The following PSMA4 variants were observed in gnomAD, a reference collection of about 807,000 sequenced individuals.
The protein encoded by PSMA4 is proteasome subunit alpha type-4.
In PSMA4, 8 loss-of-function variants were observed where a neutral mutation model predicts 37.2. The observed-to-expected ratio is 0.22, with a 90% CI of 0.13 to 0.39. The LOEUF (loss-of-function observed/expected upper bound fraction) is 0.39. Ranked by LOEUF, PSMA4 falls within the 10% of genes least tolerant of loss-of-function variation. The pLI is 1.00. For synonymous variants in PSMA4, 93 were observed against 98.8 expected (o/e 0.94, Z 0.35); for missense variants, 169 against 305.1 (o/e 0.55, Z 3.32).
At chr15:78,543,357 G>T (rs894794996) in intron 4 of PSMA4, among the ~76,000 whole-genome samples, 5 of 152,090 alleles carry the variant, frequency 3.3e-5, no homozygotes, top group Non-Finnish European at 7.4e-5. Context: ...GCTTGGCTAG[G>T]CGTAGTCACA....
At position 78,548,999 on chromosome 15, in the gene PSMA4, A is replaced by G; in HGVS notation, c.*55A>G. The G allele has an allele frequency of 6.5e-7, 1 of 1,538,178 alleles. No individual in the cohort carries two copies. The highest frequency in any genetic ancestry group is 2.3e-5 in the East Asian group (1 of 43,732). ...ACCATTTCAGTGTAAAAGCAGTCCTACTCTTCCACACTAGGAAGGCTTTAC... is the reference window on the plus strand; with the variant it reads ...ACCATTTCAGTGTAAAAGCAGTCCTGCTCTTCCACACTAGGAAGGCTTTAC... On this transcript the variant is annotated 3_prime_UTR_variant, in exon 9 of 9. Transcript: ENST00000044462.
At chr15:78,547,960 G>C (rs1438196588) in intron 8 of PSMA4, among the ~76,000 whole-genome samples, 1 of 151,664 alleles carries the variant, frequency 6.6e-6, no homozygotes, top group Non-Finnish European at 1.5e-5. Flanking sequence ...CGGGCATATT[G>C]GCTCACGCCT....
At chr15:78,543,558 A>G (rs887473953) in intron 4 of PSMA4, among the ~76,000 whole-genome samples, 23 of 138,762 alleles carry the variant, frequency 1.7e-4, no homozygotes, top group Non-Finnish European at 3.5e-4. Context: ...CAGTCTGTCT[A>G]GCAAAATCTT....
intron 8 of PSMA4, 39 bp from the exon 9 acceptor site, chr15:78,548,751 C>A: frequency 6.3e-7 from 1 of 1,582,692 alleles, no homozygotes. Context: ...GTATGCCTGC[C>A]TGCCTGCAAT....
intron 8 of PSMA4, 131 bp downstream of exon 8, chr15:78,546,829 A>ATG: frequency 1.0e-6 from 1 of 958,380 alleles, no homozygotes; most frequent in Non-Finnish European, 1.5e-6. Context: ...GCAGTGGCGC[A>ATG]ATCTCAGCTC....
intron 1 of PSMA4, chr15:78,541,685 T>A (rs2052456164): frequency 1.9e-6 from 1 of 521,658 alleles, no homozygotes; most frequent in Non-Finnish European, 3.4e-6. Flanking sequence ...CCCCGGTTCC[T>A]CTTTCCACAT....
At chr15:78,544,789 T>C in intron 5 of PSMA4, 80 bp from the exon 6 acceptor site, 1 of 958,224 alleles carries the variant, frequency 1.0e-6, no homozygotes, top group South Asian at 1.5e-5. Context: ...ATGGCATAGA[T>C]TGCTTTTCAG....
chr15:78,542,358 G>A (rs998660436), intron 3 of PSMA4, 125 bp from the exon 4 acceptor site: 37 of 1,386,662 alleles, frequency 2.7e-5, no homozygotes, highest in Middle Eastern at 1.9e-4. Flanking sequence ...TCACCAGGTT[G>A]ATTATACCAT....
chr15:78,542,616 T>C lies in PSMA4; in HGVS notation c.180T>C (p.Phe60=), dbSNP rs754079159. The C allele has an allele frequency of 2.5e-5, 40 of 1,606,114 alleles. No individual in the cohort carries two copies. The highest frequency in any genetic ancestry group is 3.4e-5 in the Non-Finnish European group (40 of 1,178,122). The change falls in exon 4 of 9, where the codon TTT becomes TTC. Residue 60 remains phenylalanine, a synonymous_variant. Transcript: ENST00000044462. ...RNIHKLLDEV[F]FSEKIYKLNE... Reference sequence around the variant, plus strand: ...TCCACAAGCTTCTTGATGAAGTCTTTTTTTCTGAAAAAATTTATAAACTCA... The same window carrying C: ...TCCACAAGCTTCTTGATGAAGTCTTCTTTTCTGAAAAAATTTATAAACTCA...
chr15:78,545,890 T>C (rs1482405415), intron 7 of PSMA4, 126 bp downstream of exon 7: 2 of 1,027,258 alleles, frequency 1.9e-6, no homozygotes, highest in South Asian at 1.6e-5. Context: ...TATGGAAATA[T>C]CTGTGATTTC....
intron 4 of PSMA4, among the ~76,000 whole-genome samples, chr15:78,543,098 T>C (rs2052484146): frequency 6.6e-6 from 1 of 152,356 alleles, no homozygotes; most frequent in East Asian, 1.9e-4. Context: ...CACTGAATCT[T>C]ACTAAAGAAC....
At position 78,550,341 on chromosome 15, in the gene PSMA4, T is replaced by G. The variant is rs2052625663; in HGVS notation, c.*1397T>G. 1 of 152,414 alleles carries G rather than the reference T, an allele frequency of 6.6e-6. No homozygotes were observed. The highest frequency in any genetic ancestry group is 1.5e-5 in the Non-Finnish European group (1 of 68,198). 9.4% of individuals were successfully genotyped at this position (152,414 alleles called of 1,614,324 possible). On this transcript the variant is annotated 3_prime_UTR_variant, in exon 9 of 9. Transcript: ENST00000044462. ...TTTACGTGAATGTTTTTGTTTTGTT[T>G]TGTTTTTTGAGACTGGGTCTTGCTC...
intron 4 of PSMA4, 142 bp downstream of exon 4, chr15:78,542,787 C>A: frequency 1.3e-6 from 1 of 751,878 alleles, no homozygotes; most frequent in Non-Finnish European, 2.1e-6. Flanking sequence ...TCTTTGAGGC[C>A]TGGTACCATG....
At chr15:78,547,513 T>G (rs1284826334) in intron 8 of PSMA4, among the ~76,000 whole-genome samples, 1 of 152,220 alleles carries the variant, frequency 6.6e-6, no homozygotes, top group Non-Finnish European at 1.5e-5. Flanking sequence ...TCCAAATACC[T>G]TGTTCAACTT....
chr15:78,541,978 G>A, intron 2 of PSMA4, 48 bp downstream of exon 2: 1 of 1,577,838 alleles, frequency 6.3e-7, no homozygotes, highest in South Asian at 1.1e-5. Context: ...AAACAGTATT[G>A]CTTGTACTCA....
chr15:78,549,149 C>A lies in PSMA4; in HGVS notation c.*205C>A. The A allele has an allele frequency of 1.5e-6, 1 of 675,992 alleles. No homozygotes were observed. Among genetic ancestry groups the A allele is most frequent in the Non-Finnish European group, 2.0e-6 (1 of 493,408 alleles). The allele number at this position is 675,992 out of a possible 1,614,324, so 41.9% of individuals were successfully genotyped here. On this transcript the variant is annotated 3_prime_UTR_variant, in exon 9 of 9. Coordinates refer to ENST00000044462, the MANE Select transcript of PSMA4 (RefSeq NM_002789.6). ...ACCCTTCATGGACGTCTTAATCTTC[C>A]ACACACATCCCCTTTTTTTGGAATA...
At chr15:78,544,763 C>CT (rs987797452) in intron 5 of PSMA4, 106 bp from the exon 6 acceptor site, 2 of 653,518 alleles carry the variant, frequency 3.1e-6, no homozygotes, top group African/African-American at 3.7e-5. Context: ...TTACAAATGA[C>CT]TGTTAGGTTG....
Position 78,548,946 on chromosome 15 carries a change from A to T in PSMA4, c.*2A>T, listed in dbSNP as rs756275501. 1.2e-6 allele frequency: 2 copies of T among 1,600,936 alleles called. No individual in the cohort carries two copies. Among genetic ancestry groups the T allele is most frequent in the Non-Finnish European group, 1.7e-6 (2 of 1,175,798 alleles). ...GAACAGAAAGAAAAGGATAAATAGAATCAGAGATTTTATTACTCATTTGGG... is the reference window on the plus strand; with the variant it reads ...GAACAGAAAGAAAAGGATAAATAGATTCAGAGATTTTATTACTCATTTGGG... On this transcript the variant is annotated 3_prime_UTR_variant, in exon 9 of 9. Transcript: ENST00000044462.
intron 7 of PSMA4, among the ~76,000 whole-genome samples, 195 bp downstream of exon 7, chr15:78,545,959 AAATG>A (rs1459419414): frequency 6.6e-6 from 1 of 152,214 alleles, no homozygotes; most frequent in Non-Finnish European, 1.5e-5. Flanking sequence ...CTACATTAAT[AAATG>A]CTAATTTTCA....
Sources: allele counts gnomAD v4.1 joint callset (sites outside exome capture counted in the v4.1 genomes callset), GRCh38; gene constraint gnomAD v4.1.1; transcripts MANE v1.5; gene names NCBI Gene and HGNC (gene_info 2026-07-23, HGNC 2026-07-21).